Variants in FBXO34 observed in about 807,000 individuals in gnomAD.
FBXO34 encodes F-box only protein 34.
A neutral mutation model predicts 24.5 loss-of-function variants in FBXO34; 12 were observed. That is an observed-to-expected ratio of 0.49 (90% confidence interval 0.31 to 0.79). The LOEUF (loss-of-function observed/expected upper bound fraction) is 0.79, where lower values mean the gene tolerates loss of function less well. Ranked by LOEUF, FBXO34 falls within the 30% of genes least tolerant of loss-of-function variation. The probability of loss-of-function intolerance (pLI) is 0.04; values close to 1 mark genes in which losing one functional copy is unlikely to be tolerated. For missense variants in FBXO34, 823 were observed against 857.7 expected, an observed-to-expected ratio of 0.96 and a Z score of 0.51; for synonymous variants, 320 against 311.9, an observed-to-expected ratio of 1.03 and a Z score of -0.27.
the FBXO34 span, among the ~76,000 whole-genome samples, chr14:55,392,162 T>A: frequency 1.3e-5 from 2 of 152,152 alleles, no homozygotes; most frequent in Non-Finnish European, 2.9e-5. Context: ...GTGCAGTCCA[T>A]AATAGAGTTC....
the FBXO34 span, among the ~76,000 whole-genome samples, chr14:55,386,521 C>G: frequency 3.3e-5 from 5 of 152,218 alleles, no homozygotes; most frequent in South Asian, 8.3e-4. Context: ...ATCAGAGAAC[C>G]CAGGGATAAT....
At chr14:55,443,010 T>C in the FBXO34 span, among the ~76,000 whole-genome samples, 1 of 152,182 alleles carries the variant, frequency 6.6e-6, no homozygotes, top group Non-Finnish European at 1.5e-5. Flanking sequence ...ACTTCCAGCC[T>C]CCAGAACTGT....
intron 1 of FBXO34, among the ~76,000 whole-genome samples, chr14:55,289,634 C>A (rs1286026762): frequency 6.6e-6 from 1 of 152,124 alleles, no homozygotes; most frequent in Non-Finnish European, 1.5e-5. Flanking sequence ...ATCCTGGGCT[C>A]AAGAAATCCT....
At chr14:55,389,899 AT>A in the FBXO34 span, among the ~76,000 whole-genome samples, 1 of 149,100 alleles carries the variant, frequency 6.7e-6, no homozygotes, top group Admixed American at 6.6e-5. Context: ...ATGATAAAGT[AT>A]AAAGTGTACA....
chr14:55,296,696 G>A (rs1001596869), intron 1 of FBXO34, among the ~76,000 whole-genome samples: 2 of 151,886 alleles, frequency 1.3e-5, no homozygotes, highest in African/African-American at 2.4e-5. Context: ...GCGCCTGGCC[G>A]CTGTTCTTGA....
the FBXO34 span, among the ~76,000 whole-genome samples, chr14:55,425,896 C>G: frequency 3.3e-5 from 5 of 152,178 alleles, no homozygotes; most frequent in African/African-American, 1.2e-4. Context: ...CCATTATCAT[C>G]CTAGCATCTG....
At chr14:55,385,357 A>C in the FBXO34 span, among the ~76,000 whole-genome samples, 14 of 152,180 alleles carry the variant, frequency 9.2e-5, no homozygotes, top group African/African-American at 2.9e-4. Context: ...CAGTGACACA[A>C]TCTTGGCTCA....
At chr14:55,374,638 G>A (rs1016249918), downstream of FBXO34, among the ~76,000 whole-genome samples, 7 of 151,880 alleles carry the variant, frequency 4.6e-5, no homozygotes, top group Non-Finnish European at 1.0e-4. Flanking sequence ...CTGTCCTTTT[G>A]CTTATTTTAT....
chr14:55,338,792 G>C (rs965531896), intron 1 of FBXO34, among the ~76,000 whole-genome samples: 1 of 152,032 alleles, frequency 6.6e-6, no homozygotes, highest in African/African-American at 2.4e-5. Context: ...TCTAGTCCCA[G>C]CTACTCGGGA....
the FBXO34 span, among the ~76,000 whole-genome samples, chr14:55,439,774 C>G: frequency 6.6e-6 from 1 of 151,344 alleles, no homozygotes; most frequent in African/African-American, 2.4e-5. Context: ...ACTAAAAATA[C>G]AAAAAAATTA....
chr14:55,390,088 G>C, the FBXO34 span, among the ~76,000 whole-genome samples: 1 of 151,046 alleles, frequency 6.6e-6, no homozygotes. Context: ...TTTTTTTTTT[G>C]AGACAGAGTT....
chr14:55,355,951 G>GAC (rs1329505797), downstream of FBXO34, among the ~76,000 whole-genome samples: 1 of 152,200 alleles, frequency 6.6e-6, no homozygotes, highest in Non-Finnish European at 1.5e-5. Context: ...TCTCATGGGA[G>GAC]CATCCTTGGT....
At chr14:55,365,115 G>A (rs1447450993), downstream of FBXO34, among the ~76,000 whole-genome samples, 1 of 149,564 alleles carries the variant, frequency 6.7e-6, no homozygotes. Context: ...TCAGGAGGCT[G>A]AGGCAGAATG....
chr14:55,296,329 A>G (rs1882119356), intron 1 of FBXO34, among the ~76,000 whole-genome samples: 1 of 149,418 alleles, frequency 6.7e-6, no homozygotes, highest in Non-Finnish European at 1.5e-5. Flanking sequence ...CAGGAAGTAT[A>G]ATTTAGTGAA....
the FBXO34 span, among the ~76,000 whole-genome samples, chr14:55,421,477 T>A: frequency 4.6e-5 from 7 of 152,192 alleles, no homozygotes; most frequent in Admixed American, 2.6e-4. Context: ...TTTAATTTTT[T>A]AATTAAGATG....
At chr14:55,318,753 A>G (rs1883027247) in intron 1 of FBXO34, among the ~76,000 whole-genome samples, 1 of 152,048 alleles carries the variant, frequency 6.6e-6, no homozygotes, top group Non-Finnish European at 1.5e-5. Context: ...TGGTCTTGAG[A>G]ATTGGAACAA....
At chr14:55,295,608 C>A (rs1045042266) in intron 1 of FBXO34, among the ~76,000 whole-genome samples, 1 of 152,122 alleles carries the variant, frequency 6.6e-6, no homozygotes, top group African/African-American at 2.4e-5. Context: ...GTTGGCCAGG[C>A]TGGTCTTGAA....
the FBXO34 span, among the ~76,000 whole-genome samples, chr14:55,442,723 T>TTTC: frequency 6.6e-6 from 1 of 152,066 alleles, no homozygotes; most frequent in South Asian, 2.1e-4. Context: ...ACCTACACAT[T>TTTC]TTTTTAGCAC....
At chr14:55,430,632 G>A in the FBXO34 span, among the ~76,000 whole-genome samples, 1 of 152,042 alleles carries the variant, frequency 6.6e-6, no homozygotes, top group Non-Finnish European at 1.5e-5. Context: ...CAGGACTCAA[G>A]TGACCCTCCC....
Sources: gnomAD v4.1 joint callset for allele counts (sites outside exome capture counted in the v4.1 genomes callset) on GRCh38, gnomAD v4.1.1 for gene constraint, MANE v1.5 for transcripts, NCBI Gene and HGNC (gene_info 2026-07-23, HGNC 2026-07-21) for gene names.